WNT7B: variants seen among roughly 807,000 people sequenced by gnomAD.
WNT7B encodes Wnt family member 7B.
A neutral mutation model predicts 38.2 loss-of-function variants in WNT7B; 19 were observed. The ratio of observed to expected loss-of-function variants is 0.50; its 90% CI spans 0.35 to 0.73. The LOEUF (loss-of-function observed/expected upper bound fraction) is 0.73. Ranked by LOEUF, WNT7B falls within the 30% of genes least tolerant of loss-of-function variation. WNT7B has a pLI of 0.01. For missense variants in WNT7B, 423 were observed against 507.9 expected (o/e 0.83, Z 1.61); for synonymous variants, 243 against 209.3 (o/e 1.16, Z -1.39).
chr22:45,931,196 A>G lies in WNT7B; in HGVS notation c.472T>C (p.Tyr158His). 5 of 1,599,558 alleles carry G rather than the reference A, an allele frequency of 3.1e-6. No individual in the cohort carries two copies. In the South Asian group the frequency reaches 5.5e-5, roughly 18 times the overall value. ...KWGGCSADVR[Y>H]GIDFSRRFVD... ...AAGCGCCGGGAGAAGTCGATGCCGTAACGCACGTCGGCCGAGCAGCCGCCC... is the reference window on the plus strand; with the variant it reads ...AAGCGCCGGGAGAAGTCGATGCCGTGACGCACGTCGGCCGAGCAGCCGCCC... The change falls in exon 3 of 4, where the codon TAC (tyrosine) becomes CAC (histidine). Residue 158 changes from tyrosine (Y) to histidine (H), a missense_variant. Tyr to His is a moderately conservative substitution (Grantham distance 83, BLOSUM62 2). Around this residue, in one of 3 missense-constraint regions of WNT7B, gnomAD observed 132 missense variants for 113.4 expected, o/e 1.16. Transcript: ENST00000339464.
chr22:45,954,489 C>T (rs1038272982), intron 1 of WNT7B, among the ~76,000 whole-genome samples: 1 of 152,154 alleles, frequency 6.6e-6, no homozygotes, highest in African/African-American at 2.4e-5. Context: ...AGATTAGGAC[C>T]CAATTGAAGG....
chr22:45,931,178 G>T lies in WNT7B; in HGVS notation c.490C>A (p.Arg164=), dbSNP rs146670750. 1.3e-5 allele frequency: 20 copies of T among 1,599,452 alleles called. No homozygotes were observed. The highest frequency in any genetic ancestry group is 1.4e-5 in the Non-Finnish European group (17 of 1,179,656). ...ADVRYGIDFS[R]RFVDAREIKK... ...ATCTCCCGAGCGTCCACGAAGCGCC[G>T]GGAGAAGTCGATGCCGTAACGCACG... Residue 164 remains arginine (R), a synonymous_variant, in exon 3 of 4, where the codon CGG becomes AGG. Coordinates refer to ENST00000339464, the MANE Select transcript of WNT7B (RefSeq NM_058238.3).
At chr22:45,923,366 G>A in intron 3 of WNT7B, 31 bp from the exon 4 acceptor site, 1 of 1,571,428 alleles carries the variant, frequency 6.4e-7, no homozygotes. Context: ...GCTCGGCACG[G>A]CATGGCCCAA....
At position 45,973,835 on chromosome 22, in the gene WNT7B, T is replaced by C. The variant is rs557361234; in HGVS notation, c.71+2849A>G. Among the ~76,000 whole-genome samples the C allele has an allele frequency of 3.6e-4, 55 of 152,280 alleles. 3 individuals carry two copies. In the South Asian group the frequency reaches 0.011, roughly 31 times the overall value. ...ACTGGAGTCCTCCAGGGGTTGTACA[T>C]GTGAGTTGCACCAGGCTTAGGGGCA... On this transcript the variant is annotated intron_variant, in intron 1 of 3. Transcript: ENST00000339464.
In WNT7B at chr22:45,966,525, G is replaced by A. The variant is rs1932315361; in HGVS notation, c.71+10159C>T. ...GCAGGGGTCATGGGATAGGACTCCA[G>A]GGGATGCTCACTCGGGCTCTTCTCC... On this transcript the variant is annotated intron_variant, in intron 1 of 3. Coordinates refer to ENST00000339464, the MANE Select transcript of WNT7B (RefSeq NM_058238.3). This position sits in a 1 kb window ranked among gnomAD's most constrained non-coding sequence, Gnocchi z 4.2. Among the ~76,000 whole-genome samples, 1 of 152,214 alleles carries A rather than the reference G, an allele frequency of 6.6e-6. No individual in the cohort carries two copies. The highest frequency in any genetic ancestry group is 2.1e-4 in the South Asian group (1 of 4,828).
chr22:45,950,004 C>T lies in WNT7B; in HGVS notation c.214G>A (p.Glu72Lys), dbSNP rs1555909161. Reference protein sequence around the residue: ...IGEGAQMGINECQYQFRFGRW... With the variant: ...IGEGAQMGINKCQYQFRFGRW... ...CCGAAGCGGAACTGGTACTGGCACT[C>T]GTTGATGCCCATCTGCGCCCCCTCC... Residue 72 changes from glutamate (E) to lysine (K), a missense_variant, in exon 2 of 4, where the codon GAG becomes AAG. Glu to Lys is a moderately conservative substitution (Grantham distance 56). Around this residue, in one of 3 missense-constraint regions of WNT7B, gnomAD observed 133 missense variants for 179.8 expected, o/e 0.74. Transcript: ENST00000339464. 2 of 1,614,000 alleles carry T rather than the reference C, an allele frequency of 1.2e-6. No homozygotes were observed. The highest frequency in any genetic ancestry group is 1.7e-6 in the Non-Finnish European group (2 of 1,180,048).
intron 2 of WNT7B, among the ~76,000 whole-genome samples, chr22:45,939,672 A>ACACACACACAC (rs1477583799): frequency 1.9e-4 from 20 of 104,418 alleles, no homozygotes; most frequent in African/African-American, 7.8e-4. Flanking sequence ...CACACACACA[A>ACACACACACAC]AAATAGCCAG....
At chr22:45,961,545 G>A (rs1932196809) in intron 1 of WNT7B, among the ~76,000 whole-genome samples, 2 of 146,462 alleles carry the variant, frequency 1.4e-5, no homozygotes. Flanking sequence ...GAGACTCAGA[G>A]ACAGCAATCA....
intron 1 of WNT7B, chr22:45,954,720 G>C (rs1569121097): frequency 2.0e-6 from 2 of 985,432 alleles, no homozygotes; most frequent in Non-Finnish European, 2.4e-6. Context: ...TGATAATTCA[G>C]AAACAATTTC....
At chr22:45,929,608 CTGCCCATA>C (rs1931233548) in intron 3 of WNT7B, among the ~76,000 whole-genome samples, 2 of 138,876 alleles carry the variant, frequency 1.4e-5, no homozygotes, top group African/African-American at 2.9e-5. Context: ...ATCCATCCAC[CTGCCCATA>C]CACCCATCCT....
intron 3 of WNT7B, chr22:45,925,882 C>T (rs2146704434): frequency 2.0e-6 from 2 of 985,394 alleles, no homozygotes; most frequent in Non-Finnish European, 2.4e-6. Flanking sequence ...GGTGTGCAGG[C>T]CACGTGGTCT....
At chr22:45,939,569 G>A (rs150751787) in intron 2 of WNT7B, among the ~76,000 whole-genome samples, 8 of 152,020 alleles carry the variant, frequency 5.3e-5, no homozygotes, top group African/African-American at 1.7e-4. Flanking sequence ...TGAGATGGGC[G>A]GATGCCTTAA....
chr22:45,930,601 G>T (rs367706575), intron 3 of WNT7B, among the ~76,000 whole-genome samples: 1 of 152,156 alleles, frequency 6.6e-6, no homozygotes, highest in Non-Finnish European at 1.5e-5. Flanking sequence ...ATGCAGGAGC[G>T]GCCTGCTCCC....
intron 1 of WNT7B, among the ~76,000 whole-genome samples, chr22:45,973,413 G>A (rs1384243126): frequency 6.6e-6 from 1 of 152,208 alleles, no homozygotes; most frequent in African/African-American, 2.4e-5. Context: ...TGAGGAAGAG[G>A]ATTTTCTAAC....
In WNT7B at chr22:45,926,974, G is replaced by C; in HGVS notation, c.571-3639C>G. ...GACGTGGGACATGGCCAGCTAAGGG[G>C]GTTCCCACCCCCTGGCTCCAGGAGC... On this transcript the variant is annotated intron_variant, in intron 3 of 3. Transcript: ENST00000339464. 3.0e-6 allele frequency: 3 copies of C among 985,434 alleles called. 1 individual carries two copies. In the South Asian group the frequency reaches 1.4e-4, roughly 46 times the overall value. The allele number at this position is 985,434 out of a possible 1,614,324, so 61.0% of individuals were successfully genotyped here.
Position 45,942,898 on chromosome 22 carries a change from T to C in WNT7B, c.298+7022A>G, listed in dbSNP as rs9777941. On this transcript the variant is annotated intron_variant, in intron 2 of 3. Transcript: ENST00000339464. ...GTGTGTGCATGTATGTGCGTGTGTGTGCGCGCGTGTGTGCAGTGTGCACGT... is the reference window on the plus strand; with the variant it reads ...GTGTGTGCATGTATGTGCGTGTGTGCGCGCGCGTGTGTGCAGTGTGCACGT... Among the ~76,000 whole-genome samples the C allele has an allele frequency of 5.7e-3, 861 of 151,496 alleles. 10 individuals are homozygous for C. Among genetic ancestry groups the C allele is most frequent in the African/African-American group, 0.019 (788 of 41,222 alleles).
At chr22:45,971,175 G>A (rs113073796) in intron 1 of WNT7B, among the ~76,000 whole-genome samples, 2 of 151,694 alleles carry the variant, frequency 1.3e-5, no homozygotes, top group African/African-American at 2.4e-5. Context: ...CGCAGGGAGC[G>A]GGAAGGCAGC....
rs748532605 is a variant in WNT7B, at chr22:45,931,174, C to T, written c.494G>A (p.Arg165His). 1.3e-5 allele frequency: 20 copies of T among 1,599,464 alleles called. No individual in the cohort carries two copies. The highest frequency in any genetic ancestry group is 8.3e-5 in the Admixed American group (5 of 59,984). ...CTTGATCTCCCGAGCGTCCACGAAG[C>T]GCCGGGAGAAGTCGATGCCGTAACG... ...DVRYGIDFSR[R>H]FVDAREIKKN... The change falls in exon 3 of 4, where the codon CGC (arginine) becomes CAC (histidine). Residue 165 changes from arginine (R) to histidine (H), a missense_variant. Transcript: ENST00000339464.
chr22:45,955,690 C>T (rs143228595), intron 1 of WNT7B, among the ~76,000 whole-genome samples: 10 of 152,268 alleles, frequency 6.6e-5, no homozygotes, highest in East Asian at 5.8e-4. Context: ...TCGGGACAGG[C>T]GAGATGCCAG....
Sources: gnomAD v4.1 joint callset for allele counts (sites outside exome capture counted in the v4.1 genomes callset) on GRCh38, gnomAD v4.1.1 for gene constraint, gnomAD v4.1.1 regional missense constraint, Gnocchi (gnomAD v3.1) non-coding constraint, MANE v1.5 for transcripts, NCBI Gene and HGNC (gene_info 2026-07-23, HGNC 2026-07-21) for gene names.